The following ITGBL1 variants were observed in gnomAD, a reference collection of about 807,000 sequenced individuals.
ITGBL1 encodes integrin beta-like protein 1.
Under a neutral mutation model 68.5 loss-of-function variants are expected in ITGBL1, and 51 were observed. The ratio of observed to expected loss-of-function variants is 0.74; its 90% CI spans 0.59 to 0.94. The LOEUF is 0.94. Ranked by LOEUF, ITGBL1 falls within the 40% of genes least tolerant of loss-of-function variation. The probability of loss-of-function intolerance (pLI) is 0.00; values close to 1 mark genes in which losing one functional copy is unlikely to be tolerated. For synonymous variants in ITGBL1, 209 were observed against 227.3 expected, an observed-to-expected ratio of 0.92 and a Z score of 0.72; for missense variants, 649 against 647.4, an observed-to-expected ratio of 1.00 and a Z score of -0.03.
intron 2 of ITGBL1, among the ~76,000 whole-genome samples, chr13:101,535,317 A>G (rs2049553817): frequency 6.6e-6 from 1 of 151,964 alleles, no homozygotes; most frequent in Admixed American, 6.6e-5. Flanking sequence ...CCCAGACATT[A>G]CCTTTTGATG....
intron 7 of ITGBL1, among the ~76,000 whole-genome samples, chr13:101,685,652 C>A (rs1057132483): frequency 6.6e-6 from 1 of 152,002 alleles, no homozygotes; most frequent in Non-Finnish European, 1.5e-5. Context: ...AGTATTTAAG[C>A]AATTTTCTAG....
At chr13:101,585,164 A>G (rs2050530223) in intron 6 of ITGBL1, among the ~76,000 whole-genome samples, 1 of 152,138 alleles carries the variant, frequency 6.6e-6, no homozygotes, top group South Asian at 2.1e-4. Flanking sequence ...GTTTTAGGCA[A>G]TAGAGTGCTG....
At chr13:101,641,397 A>G (rs920193921) in intron 7 of ITGBL1, among the ~76,000 whole-genome samples, 15 of 152,124 alleles carry the variant, frequency 9.9e-5, no homozygotes, top group African/African-American at 3.6e-4. Context: ...CTATATAGAA[A>G]AGGAGTTAAA....
At chr13:101,499,833 T>A (rs1396532456) in intron 2 of ITGBL1, among the ~76,000 whole-genome samples, 1 of 152,214 alleles carries the variant, frequency 6.6e-6, no homozygotes, top group African/African-American at 2.4e-5. Flanking sequence ...AAGAGATGGC[T>A]CAGGGCTTAG....
intron 2 of ITGBL1, among the ~76,000 whole-genome samples, chr13:101,516,702 AT>A (rs1485253217): frequency 6.6e-6 from 1 of 152,198 alleles, no homozygotes; most frequent in African/African-American, 2.4e-5. Context: ...GATAGATTTT[AT>A]TCAGGAACAT....
chr13:101,668,064 C>G (rs533051802), intron 7 of ITGBL1, among the ~76,000 whole-genome samples: 1 of 152,216 alleles, frequency 6.6e-6, no homozygotes, highest in South Asian at 2.1e-4. Flanking sequence ...ACATTGATCT[C>G]TGTTAGATGT....
At chr13:101,557,657 A>G (rs910264172) in intron 2 of ITGBL1, among the ~76,000 whole-genome samples, 3 of 152,084 alleles carry the variant, frequency 2.0e-5, no homozygotes, top group African/African-American at 7.2e-5. Flanking sequence ...TGGATACAAC[A>G]TTTCAAGAGT....
intron 7 of ITGBL1, among the ~76,000 whole-genome samples, chr13:101,648,291 T>C (rs1259712967): frequency 6.6e-6 from 1 of 152,164 alleles, no homozygotes; most frequent in East Asian, 1.9e-4. Flanking sequence ...AATTATCAAA[T>C]ATGTGTGATA....
chr13:101,598,418 G>GT (rs2030125792), intron 7 of ITGBL1, 119 bp downstream of exon 7: 10 of 792,126 alleles, frequency 1.3e-5, no homozygotes, highest in Non-Finnish European at 1.6e-5. Flanking sequence ...TGGTTTTTTT[G>GT]TTTTTTATTT....
intron 7 of ITGBL1, among the ~76,000 whole-genome samples, chr13:101,635,011 G>A (rs10508072): frequency 0.12 from 18,183 of 150,666 alleles, 1,566 homozygotes; most frequent in African/African-American, 0.25. Context: ...ATTTCAATTC[G>A]AATTTCCTTT....
chr13:101,647,655 A>G (rs565258433), intron 7 of ITGBL1, among the ~76,000 whole-genome samples: 1 of 152,154 alleles, frequency 6.6e-6, no homozygotes, highest in Non-Finnish European at 1.5e-5. Flanking sequence ...AGTTCAGCAG[A>G]TAACTTGGAT....
intron 7 of ITGBL1, among the ~76,000 whole-genome samples, chr13:101,652,608 TG>T (rs976363175): frequency 2.1e-4 from 32 of 152,336 alleles, no homozygotes; most frequent in Middle Eastern, 3.4e-3. Flanking sequence ...CCAAATTTTT[TG>T]TCTGAGGACA....
chr13:101,511,086 A>T (rs1291240356), intron 2 of ITGBL1, among the ~76,000 whole-genome samples: 1 of 152,012 alleles, frequency 6.6e-6, no homozygotes, highest in African/African-American at 2.4e-5. Flanking sequence ...CTTGATGTCG[A>T]TGAGGATATT....
chr13:101,524,260 A>G (rs962888844), intron 2 of ITGBL1, among the ~76,000 whole-genome samples: 3 of 152,126 alleles, frequency 2.0e-5, no homozygotes, highest in African/African-American at 7.2e-5. Context: ...GCCTTTCAAA[A>G]AACAATGCCA....
At chr13:101,621,300 C>T (rs1461903869) in intron 7 of ITGBL1, among the ~76,000 whole-genome samples, 2 of 152,142 alleles carry the variant, frequency 1.3e-5, no homozygotes, top group Non-Finnish European at 2.9e-5. Context: ...CTTTCAAACA[C>T]ATTTTTTAAA....
At chr13:101,659,322 ATG>A (rs983132781) in intron 7 of ITGBL1, among the ~76,000 whole-genome samples, 34 of 152,182 alleles carry the variant, frequency 2.2e-4, no homozygotes, top group African/African-American at 8.2e-4. Flanking sequence ...TGAGTAAACA[ATG>A]AGATATAATT....
chr13:101,629,241 A>AT (rs2031896877), intron 7 of ITGBL1, among the ~76,000 whole-genome samples: 1 of 151,988 alleles, frequency 6.6e-6, no homozygotes, highest in African/African-American at 2.4e-5. Flanking sequence ...GATTTTGTTA[A>AT]TTTTTTACCT....
intron 7 of ITGBL1, 62 bp downstream of exon 7, chr13:101,598,361 C>A: frequency 1.6e-6 from 2 of 1,236,206 alleles, no homozygotes; most frequent in Non-Finnish European, 1.1e-6. Flanking sequence ...GAATTCAATG[C>A]ACACACATCT....
At chr13:101,545,424 A>G (rs1011808259) in intron 2 of ITGBL1, among the ~76,000 whole-genome samples, 2 of 152,320 alleles carry the variant, frequency 1.3e-5, no homozygotes, top group African/African-American at 2.4e-5. Context: ...AGAAAATAAT[A>G]TAGAAGGAAA....
Sources: gnomAD v4.1 joint callset for allele counts (sites outside exome capture counted in the v4.1 genomes callset) on GRCh38, gnomAD v4.1.1 for gene constraint, MANE v1.5 for transcripts, NCBI Gene and HGNC (gene_info 2026-07-23, HGNC 2026-07-21) for gene names.